Variants in ACOT7 observed in about 807,000 individuals in gnomAD.
ACOT7 encodes acyl-CoA thioesterase 7.
ACOT7 carries 12 observed loss-of-function variants against 40.2 expected under a neutral mutation model. That is an observed-to-expected ratio of 0.30 (90% CI 0.19 to 0.48). The LOEUF (loss-of-function observed/expected upper bound fraction) is 0.48. Ranked by LOEUF, ACOT7 falls within the 20% of genes least tolerant of loss-of-function variation. The probability of loss-of-function intolerance (pLI) is 0.99; values close to 1 mark genes in which losing one functional copy is unlikely to be tolerated. For synonymous variants in ACOT7, 228 were observed against 219.5 expected (o/e 1.04, Z -0.34); for missense variants, 395 against 530.8 (o/e 0.74, Z 2.51).
Position 6,324,896 on chromosome 1 carries a change from T to C in ACOT7, c.625+2403A>G, listed in dbSNP as rs112768785. 1.5e-4 allele frequency among the ~76,000 whole-genome samples: 23 copies of C among 152,322 alleles called. 1 individual carries two copies. The highest frequency in any genetic ancestry group is 9.2e-4 in the Admixed American group (14 of 15,294). On this transcript the variant is annotated intron_variant, in intron 5 of 8. Coordinates refer to ENST00000361521, the MANE Select transcript of ACOT7 (RefSeq NM_007274.4). ...CTCTAGGGATTTGAATGTGGACATA[T>C]TGTCTGGCCCTGAGCGCTGTGTTGG...
intron 2 of ACOT7, among the ~76,000 whole-genome samples, chr1:6,348,456 T>C (rs1641496110): frequency 1.3e-5 from 2 of 151,914 alleles, no homozygotes. Context: ...CCTCCCAAAA[T>C]CCCTGTGTTG....
chr1:6,277,915 G>A (rs979151978), intron 8 of ACOT7, among the ~76,000 whole-genome samples: 2 of 152,182 alleles, frequency 1.3e-5, no homozygotes, highest in South Asian at 2.1e-4. Flanking sequence ...ACCCCACATG[G>A]TGGGCACCGT....
Position 6,264,637 on chromosome 1 carries a change from A to T in ACOT7, c.1073T>A (p.Met358Lys). 5 of 1,613,364 alleles carry T rather than the reference A, an allele frequency of 3.1e-6. No homozygotes were observed. Among genetic ancestry groups the T allele is most frequent in the Non-Finnish European group, 4.2e-6 (5 of 1,179,944 alleles). The stretch of plus-strand genomic sequence containing the variant: ...CGCGTGGCCCTGTCGCTTCGCCTTC[A>T]TCTGCAGGTACCGCCCTTTGCCTTC... ...FEEGKGRYLQ[M>K]KAKRQGHAEP... Residue 358 changes from methionine (M) to lysine (K), a missense_variant, in exon 9 of 9, where the codon ATG becomes AAG. Coordinates refer to ENST00000361521, the MANE Select transcript of ACOT7 (RefSeq NM_007274.4).
At chr1:6,385,097 G>GCACCAA (rs1299674874) in intron 1 of ACOT7, among the ~76,000 whole-genome samples, 3 of 151,868 alleles carry the variant, frequency 2.0e-5, no homozygotes, top group Admixed American at 1.3e-4. Flanking sequence ...CTCTGGCCCT[G>GCACCAA]CACCAACCTT....
chr1:6,388,934 A>G (rs56785004), intron 1 of ACOT7, among the ~76,000 whole-genome samples: 51,721 of 150,274 alleles, frequency 0.34, 12,934 homozygotes, highest in African/African-American at 0.71. Flanking sequence ...CCAGCTACTC[A>G]GGAGGCTGAG....
chr1:6,328,801 T>C (rs988659800), intron 4 of ACOT7, among the ~76,000 whole-genome samples: 2 of 152,260 alleles, frequency 1.3e-5, no homozygotes, highest in Admixed American at 6.5e-5. Context: ...GTTCACTCAC[T>C]GCCCTGCTGT....
chr1:6,332,113 A>C (rs968488391), intron 4 of ACOT7, among the ~76,000 whole-genome samples: 1 of 152,360 alleles, frequency 6.6e-6, no homozygotes, highest in African/African-American at 2.4e-5. Context: ...TGGGTCTGGA[A>C]GCAAAAAGAG....
At chr1:6,391,812 A>G (rs576468255) in intron 1 of ACOT7, among the ~76,000 whole-genome samples, 1 of 152,322 alleles carries the variant, frequency 6.6e-6, no homozygotes, top group East Asian at 1.9e-4. Flanking sequence ...CCTCCCAGGG[A>G]ATTGGGCAAA....
intron 1 of ACOT7, among the ~76,000 whole-genome samples, chr1:6,366,363 G>A (rs1012606431): frequency 6.6e-5 from 10 of 151,824 alleles, no homozygotes; most frequent in South Asian, 6.3e-4. Context: ...TGGGAGAATC[G>A]CTTGTGCCCA....
intron 6 of ACOT7, among the ~76,000 whole-genome samples, chr1:6,308,990 A>G (rs1003430291): frequency 7.2e-5 from 11 of 152,128 alleles, no homozygotes; most frequent in Non-Finnish European, 1.6e-4. Flanking sequence ...CCTGGCCACT[A>G]TTTTCTGCCA....
chr1:6,376,457 G>C (rs1425945754), intron 1 of ACOT7, among the ~76,000 whole-genome samples: 1 of 151,020 alleles, frequency 6.6e-6, no homozygotes, highest in Admixed American at 6.6e-5. Context: ...GGCCAGGCGC[G>C]GTGGCTCATG....
intron 2 of ACOT7, among the ~76,000 whole-genome samples, chr1:6,343,888 G>A (rs1218902183): frequency 6.6e-6 from 1 of 152,256 alleles, no homozygotes; most frequent in African/African-American, 2.4e-5. Flanking sequence ...GCATCTGTGG[G>A]GCCTCTCAGT....
At chr1:6,377,798 C>T (rs554786355) in intron 1 of ACOT7, among the ~76,000 whole-genome samples, 14 of 152,122 alleles carry the variant, frequency 9.2e-5, no homozygotes, top group Non-Finnish European at 1.8e-4. Flanking sequence ...TGGCCAGGTG[C>T]GGTGGCTCAC....
At position 6,306,176 on chromosome 1, in the gene ACOT7, G is replaced by A. The variant is rs1016905107; in HGVS notation, c.713-11196C>T. The A allele has an allele frequency of 5.6e-6, 5 of 898,434 alleles. No individual in the cohort carries two copies. Among genetic ancestry groups the A allele is most frequent in the Non-Finnish European group, 5.3e-6 (4 of 755,516 alleles). 55.7% of individuals were successfully genotyped at this position (898,434 alleles called of 1,614,324 possible). On this transcript the variant is annotated intron_variant, in intron 6 of 8. Coordinates refer to ENST00000361521, the MANE Select transcript of ACOT7 (RefSeq NM_007274.4). This position sits in a 1 kb window ranked among gnomAD's most constrained non-coding sequence, Gnocchi z 4.3. ...TTCGGCTCGGCATCAGAGGGAGACC[G>A]TGGCAAGAGAGGGAGAGGGAGACCG... is the stretch of plus-strand genomic sequence containing the variant.
intron 6 of ACOT7, among the ~76,000 whole-genome samples, chr1:6,304,598 T>C (rs1317606142): frequency 6.9e-4 from 82 of 118,558 alleles, no homozygotes; most frequent in African/African-American, 1.7e-3. Context: ...TGATGACTCT[T>C]AACGAGCATG....
intron 1 of ACOT7, among the ~76,000 whole-genome samples, chr1:6,370,776 A>AGTCACC (rs1642118553): frequency 6.6e-6 from 1 of 150,756 alleles, no homozygotes; most frequent in Admixed American, 6.6e-5. Flanking sequence ...TACAGGCATG[A>AGTCACC]GTCACCACGC....
intron 1 of ACOT7, 53 bp downstream of exon 1, chr1:6,393,204 G>A (rs1642563776): frequency 8.1e-7 from 1 of 1,240,882 alleles, no homozygotes; most frequent in East Asian, 3.1e-5. Flanking sequence ...GCAGGCCTGG[G>A]GCGGTGACCG....
chr1:6,284,691 T>C (rs963481222), intron 7 of ACOT7, among the ~76,000 whole-genome samples: 3 of 150,186 alleles, frequency 2.0e-5, no homozygotes, highest in Non-Finnish European at 4.4e-5. Flanking sequence ...CCAGGTCACA[T>C]AGAGGCCCCC....
intron 7 of ACOT7, among the ~76,000 whole-genome samples, chr1:6,283,779 T>A (rs1345763194): frequency 6.6e-6 from 1 of 152,230 alleles, no homozygotes; most frequent in Non-Finnish European, 1.5e-5. Flanking sequence ...AACATCATTA[T>A]TCTAAACAAG....
Sources: allele counts gnomAD v4.1 joint callset (sites outside exome capture counted in the v4.1 genomes callset), GRCh38; gene constraint gnomAD v4.1.1; non-coding constraint Gnocchi (gnomAD v3.1); transcripts MANE v1.5; gene names NCBI Gene and HGNC (gene_info 2026-07-23, HGNC 2026-07-21).